Variants in MICU1 observed in about 807,000 individuals in gnomAD.
The protein encoded by MICU1 is calcium uptake protein 1, mitochondrial.
Under a neutral mutation model 56.8 loss-of-function variants are expected in MICU1, and 45 were observed. That is an observed-to-expected ratio of 0.79 (90% confidence interval 0.62 to 1.02). The LOEUF is 1.02. MICU1 is among the 50% of genes least tolerant of loss of function. The probability of loss-of-function intolerance (pLI) is 0.00; values close to 1 mark genes in which losing one functional copy is unlikely to be tolerated. For missense variants in MICU1, 504 were observed against 587.1 expected, an observed-to-expected ratio of 0.86 and a Z score of 1.46; for synonymous variants, 186 against 195.1, an observed-to-expected ratio of 0.95 and a Z score of 0.39.
At chr10:72,430,274 T>C (rs1295889953) in intron 8 of MICU1, among the ~76,000 whole-genome samples, 1 of 152,224 alleles carries the variant, frequency 6.6e-6, no homozygotes, top group Non-Finnish European at 1.5e-5. Context: ...ACATCTAGGC[T>C]GTTTCATTTT....
chr10:72,385,352 T>C (rs1292746301), intron 10 of MICU1, among the ~76,000 whole-genome samples: 1 of 151,936 alleles, frequency 6.6e-6, no homozygotes, highest in African/African-American at 2.4e-5. Context: ...TAGCTGGGCG[T>C]GGTGGTGTGT....
intron 5 of MICU1, among the ~76,000 whole-genome samples, chr10:72,533,347 C>T (rs1839542499): frequency 6.6e-6 from 1 of 152,106 alleles, no homozygotes; most frequent in Admixed American, 6.5e-5. Context: ...CTACAAGGAC[C>T]TTTGTAATTT....
intron 5 of MICU1, among the ~76,000 whole-genome samples, chr10:72,522,632 A>C (rs1447355149): frequency 6.6e-6 from 1 of 152,194 alleles, no homozygotes; most frequent in East Asian, 1.9e-4. Context: ...CAGCAGTCTA[A>C]GTATTTCACA....
At chr10:72,493,213 C>A (rs201471147) in intron 6 of MICU1, among the ~76,000 whole-genome samples, 4 of 150,822 alleles carry the variant, frequency 2.7e-5, no homozygotes, top group Admixed American at 6.6e-5. Context: ...ACACACACAC[C>A]CACACACACA....
chr10:72,515,280 G>T (rs960936041), intron 5 of MICU1, among the ~76,000 whole-genome samples: 3 of 152,096 alleles, frequency 2.0e-5, no homozygotes, highest in Non-Finnish European at 4.4e-5. Flanking sequence ...TAAGTCTTTC[G>T]TTAGATTCTA....
At chr10:72,538,473 TAG>T (rs1839689247) in intron 4 of MICU1, among the ~76,000 whole-genome samples, 1 of 152,136 alleles carries the variant, frequency 6.6e-6, no homozygotes, top group Non-Finnish European at 1.5e-5. Context: ...CTTTAAAGTG[TAG>T]AGTTTTTGTG....
chr10:72,498,521 G>A lies in MICU1; in HGVS notation c.652+9634C>T, dbSNP rs150214364. On this transcript the variant is annotated intron_variant, in intron 6 of 11. Transcript: ENST00000361114. The stretch of plus-strand genomic sequence containing the variant: ...GAATGGCTTGAACCCAGGAGGCGGA[G>A]GTTGCAGTGACTTGAGATAGCGCCA... Among the ~76,000 whole-genome samples the A allele has an allele frequency of 5.5e-3, 839 of 152,262 alleles. 6 individuals carry two copies. The highest frequency in any genetic ancestry group is 0.026 in the East Asian group (135 of 5,180).
At chr10:72,602,914 T>C (rs1279418798) in intron 1 of MICU1, among the ~76,000 whole-genome samples, 1 of 151,942 alleles carries the variant, frequency 6.6e-6, no homozygotes, top group East Asian at 1.9e-4. Context: ...GAGACCATCC[T>C]GGCTAACATG....
intron 1 of MICU1, among the ~76,000 whole-genome samples, chr10:72,619,857 GACACAAAA>G (rs1413377781): frequency 6.6e-6 from 1 of 152,104 alleles, no homozygotes; most frequent in Non-Finnish European, 1.5e-5. Flanking sequence ...AAGGCATAAA[GACACAAAA>G]ACACATGGTG....
At chr10:72,495,920 AATATAAAATT>A (rs1866825504) in intron 6 of MICU1, among the ~76,000 whole-genome samples, 2 of 152,286 alleles carry the variant, frequency 1.3e-5, no homozygotes, top group Admixed American at 1.3e-4. Flanking sequence ...TGCCTGGAGC[AATATAAAATT>A]ATGGTAAATT....
chr10:72,482,466 C>A (rs1188581305), intron 6 of MICU1, among the ~76,000 whole-genome samples: 1 of 152,064 alleles, frequency 6.6e-6, no homozygotes, highest in Non-Finnish European at 1.5e-5. Flanking sequence ...CCAGAATGTT[C>A]CTCTATTCAA....
intron 1 of MICU1, among the ~76,000 whole-genome samples, chr10:72,605,973 A>G (rs11000367): frequency 6.6e-6 from 1 of 151,636 alleles, no homozygotes; most frequent in Non-Finnish European, 1.5e-5. Context: ...TCTACTAAAA[A>G]TAAAAAAATT....
intron 10 of MICU1, among the ~76,000 whole-genome samples, chr10:72,385,694 C>A (rs1862864415): frequency 6.6e-6 from 1 of 152,144 alleles, no homozygotes; most frequent in Non-Finnish European, 1.5e-5. Flanking sequence ...GTATTTCCAC[C>A]CTCTGGTCCA....
chr10:72,506,361 C>T (rs1479898736), intron 6 of MICU1, among the ~76,000 whole-genome samples: 3 of 152,180 alleles, frequency 2.0e-5, no homozygotes, highest in African/African-American at 7.2e-5. Context: ...CTTATTTCAG[C>T]TCAACAAACA....
intron 8 of MICU1, among the ~76,000 whole-genome samples, chr10:72,434,109 G>C (rs1191930476): frequency 2.6e-5 from 4 of 151,982 alleles, no homozygotes; most frequent in Non-Finnish European, 5.9e-5. Context: ...GAGAGATGGA[G>C]AAAGTGGGAA....
chr10:72,619,674 CAAGGAAAGTAAATTACGAGAACCAAG>C (rs1181068634), intron 1 of MICU1, among the ~76,000 whole-genome samples: 1 of 152,072 alleles, frequency 6.6e-6, no homozygotes, highest in Non-Finnish European at 1.5e-5. Context: ...TGAGAACCAA[CAAGGAAAGTAAATTACGAGAACCAAG>C]AAGGAAAATA....
chr10:72,478,719 C>T (rs912283527), intron 6 of MICU1, among the ~76,000 whole-genome samples: 2 of 152,174 alleles, frequency 1.3e-5, no homozygotes, highest in East Asian at 3.8e-4. Context: ...GCTGGAAACT[C>T]CTGGTTTTTA....
chr10:72,481,346 A>T (rs191265607), intron 6 of MICU1, among the ~76,000 whole-genome samples: 28 of 152,332 alleles, frequency 1.8e-4, no homozygotes, highest in African/African-American at 6.7e-4. Context: ...TCCTGTGTTT[A>T]TTCTAACTCA....
At chr10:72,601,036 G>A (rs886224317) in intron 1 of MICU1, among the ~76,000 whole-genome samples, 14 of 152,284 alleles carry the variant, frequency 9.2e-5, no homozygotes, top group South Asian at 2.1e-4. Context: ...GATCAGGAAA[G>A]GGTACACAGG....
Sources: allele counts gnomAD v4.1 joint callset (sites outside exome capture counted in the v4.1 genomes callset), GRCh38; gene constraint gnomAD v4.1.1; transcripts MANE v1.5; gene names NCBI Gene and HGNC (gene_info 2026-07-23, HGNC 2026-07-21).